Variants in LGALS3BP observed in about 807,000 individuals in gnomAD.
LGALS3BP encodes the protein galectin-3-binding protein.
LGALS3BP carries 25 observed loss-of-function variants against 22.9 expected under a neutral mutation model. The observed-to-expected ratio is 1.09, with a 90% CI of 0.80 to 1.53. The LOEUF (loss-of-function observed/expected upper bound fraction) is 1.53. Ranked by LOEUF, LGALS3BP falls within the 40% of genes most tolerant of loss-of-function variation. The pLI, the probability that LGALS3BP is intolerant of heterozygous loss-of-function variation, is 0.00. For missense variants in LGALS3BP, 718 were observed against 752.0 expected (o/e 0.95, Z 0.53); for synonymous variants, 335 against 331.1 (o/e 1.01, Z -0.13).
At position 78,971,380 on chromosome 17, in the gene LGALS3BP, G is replaced by A; in HGVS notation, c.*196C>T. 1.7e-6 allele frequency: 1 copy of A among 596,546 alleles called. No individual in the cohort carries two copies. Among genetic ancestry groups the A allele is most frequent in the Non-Finnish European group, 2.9e-6 (1 of 339,408 alleles). 37.0% of individuals were successfully genotyped at this position (596,546 alleles called of 1,614,324 possible). A position where few individuals can be genotyped will look rare whatever the true frequency, so the allele number is the denominator to read the frequency against. ...TGCTTACCACCTGGAAACTGGTGAG[G>A]TGGTGGGAGAACTCCTGGTGGACCC... On this transcript the variant is annotated 3_prime_UTR_variant, in exon 6 of 6. Coordinates refer to ENST00000262776, the MANE Select transcript of LGALS3BP (RefSeq NM_005567.4). The surrounding 1 kb of genome is among the most constrained non-coding windows in gnomAD (Gnocchi z 5.6).
intron 3 of LGALS3BP, 141 bp downstream of exon 3, chr17:78,975,820 AAAAG>A: frequency 1.6e-5 from 7 of 446,908 alleles, no homozygotes; most frequent in East Asian, 4.2e-5. Context: ...AAAAAAAAAA[AAAAG>A]TGTTTGCTCT....
In LGALS3BP at chr17:78,972,697, A is replaced by C. The variant is rs763617733; in HGVS notation, c.637T>G (p.Tyr213Asp). Reference protein sequence around the residue: ...PMVRDLLRYFYSRRIDITLSS... With the variant: ...PMVRDLLRYFDSRRIDITLSS... Reference sequence around the variant, plus strand: ...AGGGTGATGTCAATCCTTCGGGAGTAGAAGTACCTGGGGAGAAAGAAGGAG... The same window carrying C: ...AGGGTGATGTCAATCCTTCGGGAGTCGAAGTACCTGGGGAGAAAGAAGGAG... The change falls in exon 6 of 6, where the codon TAC becomes GAC. Residue 213 changes from tyrosine (Y) to aspartate (D), a missense_variant. Coordinates refer to ENST00000262776, the MANE Select transcript of LGALS3BP (RefSeq NM_005567.4). This position sits in a 1 kb window ranked among gnomAD's most constrained non-coding sequence, Gnocchi z 5.1. 3 of 1,516,434 alleles carry C rather than the reference A, an allele frequency of 2.0e-6. No individual in the cohort carries two copies. The highest frequency in any genetic ancestry group is 2.6e-6 in the Non-Finnish European group (3 of 1,132,550). 93.9% of individuals were successfully genotyped at this position (1,516,434 alleles called of 1,614,324 possible).
chr17:78,971,397 G>C lies in LGALS3BP; in HGVS notation c.*179C>G. ...CTGGTGAGGTGGTGGGAGAACTCCTGGTGGACCCTAGTGGAAGCCTTCCAG... is the reference window on the plus strand; with the variant it reads ...CTGGTGAGGTGGTGGGAGAACTCCTCGTGGACCCTAGTGGAAGCCTTCCAG... On this transcript the variant is annotated 3_prime_UTR_variant, in exon 6 of 6. Coordinates refer to ENST00000262776, the MANE Select transcript of LGALS3BP (RefSeq NM_005567.4). This position sits in a 1 kb window ranked among gnomAD's most constrained non-coding sequence, Gnocchi z 5.6. 1.6e-6 allele frequency: 1 copy of C among 618,430 alleles called. No homozygotes were observed. Among genetic ancestry groups the C allele is most frequent in the Non-Finnish European group, 2.8e-6 (1 of 357,422 alleles). 38.3% of individuals were successfully genotyped at this position (618,430 alleles called of 1,614,324 possible).
intron 3 of LGALS3BP, chr17:78,975,040 T>C (rs2070708182): frequency 3.5e-6 from 2 of 571,894 alleles, no homozygotes; most frequent in Non-Finnish European, 3.1e-6. Flanking sequence ...TACCGGCTGC[T>C]TCAGCGACAT....
chr17:78,976,982 T>C lies in LGALS3BP; in HGVS notation c.52+158A>G, dbSNP rs988196997. The C allele has an allele frequency of 2.7e-6, 2 of 741,500 alleles. No individual in the cohort carries two copies. The highest frequency in any genetic ancestry group is 2.3e-6 in the Non-Finnish European group (1 of 428,936). The allele number at this position is 741,500 out of a possible 1,614,324, so 45.9% of individuals were successfully genotyped here. A position where few individuals can be genotyped will look rare whatever the true frequency, so the allele number is the denominator to read the frequency against. ...GCCCCCGGGAACCTCCAAGTCATCA[T>C]CACTGGGGATACCTGGTGCTTCAAG... On this transcript the variant is annotated intron_variant, in intron 2 of 5. Coordinates refer to ENST00000262776, the MANE Select transcript of LGALS3BP (RefSeq NM_005567.4). This position sits in a 1 kb window ranked among gnomAD's most constrained non-coding sequence, Gnocchi z 4.6.
rs3191375 is a variant in LGALS3BP, at chr17:78,971,495, G to A, written c.*81C>T. 1.5e-6 allele frequency: 2 copies of A among 1,338,996 alleles called. No homozygotes were observed. Among genetic ancestry groups the A allele is most frequent in the Non-Finnish European group, 2.1e-6 (2 of 974,934 alleles). 82.9% of individuals were successfully genotyped at this position (1,338,996 alleles called of 1,614,324 possible). On this transcript the variant is annotated 3_prime_UTR_variant, in exon 6 of 6. Coordinates refer to ENST00000262776, the MANE Select transcript of LGALS3BP (RefSeq NM_005567.4). This position sits in a 1 kb window ranked among gnomAD's most constrained non-coding sequence, Gnocchi z 5.6. ...GCCGGTTGTTGAAGGTCATTGCAGA[G>A]AGGAAGGAAGCCGAGGAGGGGAGCC...
chr17:78,971,613 CG>C lies in LGALS3BP; in HGVS notation c.1720del (p.Arg574AlafsTer5). 6.2e-7 allele frequency: 1 copy of C among 1,613,562 alleles called. No homozygotes were observed. The highest frequency in any genetic ancestry group is 8.5e-7 in the Non-Finnish European group (1 of 1,179,986). Reference protein sequence around the residue: ...GHFNGFRTVIRPFYLTNSSGV... With the variant: ...GHFNGFRTVIXPFYLTNSSGV... ...TGAGGAGTTGGTCAGGTAGAAGGGG[CG>C]GATGACCGTGCGGAAGCCGTTGAAG... On this transcript the variant is annotated frameshift_variant, in exon 6 of 6. Coordinates refer to ENST00000262776, the MANE Select transcript of LGALS3BP (RefSeq NM_005567.4). LOFTEE classifies it high-confidence loss of function. This position sits in a 1 kb window ranked among gnomAD's most constrained non-coding sequence, Gnocchi z 5.6.
Position 78,972,743 on chromosome 17 carries a change from G to C in LGALS3BP, c.630-39C>G. ...AGGAGAGCAGATGCCGGCCCCACAG[G>C]ACAGCAGGGGAGCCCTGGGCCCAAC... is the stretch of plus-strand genomic sequence containing the variant. On this transcript the variant is annotated intron_variant, in intron 5 of 5. Transcript: ENST00000262776. This position sits in a 1 kb window ranked among gnomAD's most constrained non-coding sequence, Gnocchi z 5.1. 1 of 1,512,456 alleles carries C rather than the reference G, an allele frequency of 6.6e-7. No homozygotes were observed. Among genetic ancestry groups the C allele is most frequent in the Non-Finnish European group, 8.8e-7 (1 of 1,131,800 alleles). The allele number at this position is 1,512,456 out of a possible 1,614,324, so 93.7% of individuals were successfully genotyped here. A position where few individuals can be genotyped will look rare whatever the true frequency, so the allele number is the denominator to read the frequency against.
intron 4 of LGALS3BP, 127 bp downstream of exon 4, chr17:78,974,560 TG>T: frequency 9.3e-7 from 1 of 1,077,466 alleles, no homozygotes; most frequent in Non-Finnish European, 1.3e-6. Flanking sequence ...CCATGCGGAG[TG>T]GGCAGGCGGT....
Position 78,972,422 on chromosome 17 carries a change from G to A in LGALS3BP, c.912C>T (p.Leu304=), listed in dbSNP as rs529673767. 5 of 1,613,456 alleles carry A rather than the reference G, an allele frequency of 3.1e-6. No homozygotes were observed. In the African/African-American group the frequency reaches 6.7e-5, roughly 21 times the overall value. Residue 304 remains leucine, a synonymous_variant, in exon 6 of 6, where the codon CTC becomes CTT. Transcript: ENST00000262776. The surrounding 1 kb of genome is among the most constrained non-coding windows in gnomAD (Gnocchi z 5.1). ...GGTCGCTCCTGGGCAGCAGCAGTTG[G>A]AGCAGGTCTGTGGGGACACTGGGCC... ...EAWPSVPTDL[L]QLLLPRSDLA...
chr17:78,972,062 A>T lies in LGALS3BP; in HGVS notation c.1272T>A (p.Ser424Arg). ...GATAGACCAGTTGTGACTTCCGTGC[A>T]CTCCAGGAACTGTCTGTCACAAAGG... is the stretch of plus-strand genomic sequence containing the variant. ...WSAFVTDSSW[S>R]ARKSQLVYQS... Residue 424 changes from serine (S) to arginine (R), a missense_variant, in exon 6 of 6, where the codon AGT becomes AGA. By Grantham distance (110) the Ser-to-Arg change is moderately radical. Transcript: ENST00000262776. This position sits in a 1 kb window ranked among gnomAD's most constrained non-coding sequence, Gnocchi z 5.1. The T allele has an allele frequency of 3.1e-6, 5 of 1,613,696 alleles. No individual in the cohort carries two copies. Among genetic ancestry groups the T allele is most frequent in the Non-Finnish European group, 4.2e-6 (5 of 1,179,836 alleles).
rs759242764 is a variant in LGALS3BP, at chr17:78,972,686, C to T, written c.648G>A (p.Arg216=). 10 of 1,518,474 alleles carry T rather than the reference C, an allele frequency of 6.6e-6. No individual in the cohort carries two copies. In the African/African-American group the frequency reaches 7.0e-5, roughly 11 times the overall value. The allele number at this position is 1,518,474 out of a possible 1,614,324, so 94.1% of individuals were successfully genotyped here. The change falls in exon 6 of 6, where the codon AGG becomes AGA. Residue 216 remains arginine, a synonymous_variant. Coordinates refer to ENST00000262776, the MANE Select transcript of LGALS3BP (RefSeq NM_005567.4). This position sits in a 1 kb window ranked among gnomAD's most constrained non-coding sequence, Gnocchi z 5.1. ...TGACTGACGACAGGGTGATGTCAAT[C>T]CTTCGGGAGTAGAAGTACCTGGGGA... is the stretch of plus-strand genomic sequence containing the variant. ...RDLLRYFYSR[R]IDITLSSVKC...
Position 78,976,274 on chromosome 17 carries a change from G to A in LGALS3BP, c.53-118C>T. ...CTGAGCTTGTATTTCAGGGCTTCAA[G>A]GTCCCCTGGCCTCTCCATGAGGGGC... On this transcript the variant is annotated intron_variant, in intron 2 of 5. Transcript: ENST00000262776. This position sits in a 1 kb window ranked among gnomAD's most constrained non-coding sequence, Gnocchi z 4.6. The A allele has an allele frequency of 1.1e-6, 1 of 910,814 alleles. No homozygotes were observed. The highest frequency in any genetic ancestry group is 1.6e-6 in the Non-Finnish European group (1 of 623,570). The allele number at this position is 910,814 out of a possible 1,614,324, so 56.4% of individuals were successfully genotyped here.
In LGALS3BP at chr17:78,972,708, G is replaced by A; in HGVS notation, c.630-4C>T. Reference sequence around the variant, plus strand: ...AATCCTTCGGGAGTAGAAGTACCTGGGGAGAAAGAAGGAGAGCAGATGCCG... The same window carrying A: ...AATCCTTCGGGAGTAGAAGTACCTGAGGAGAAAGAAGGAGAGCAGATGCCG... On this transcript the variant is annotated splice_region_variant and splice_polypyrimidine_tract_variant and intron_variant, in intron 5 of 5. Transcript: ENST00000262776. This position sits in a 1 kb window ranked among gnomAD's most constrained non-coding sequence, Gnocchi z 5.1. 7 of 1,516,170 alleles carry A rather than the reference G, an allele frequency of 4.6e-6. No homozygotes were observed. Among genetic ancestry groups the A allele is most frequent in the African/African-American group, 1.4e-5 (1 of 71,848 alleles). 93.9% of individuals were successfully genotyped at this position (1,516,170 alleles called of 1,614,324 possible).
At chr17:78,974,902 C>G in intron 3 of LGALS3BP, 83 bp from the exon 4 acceptor site, 1 of 1,547,120 alleles carries the variant, frequency 6.5e-7, no homozygotes, top group South Asian at 1.2e-5. Context: ...CTTTGTTCTC[C>G]GCCCCGGCCG....
chr17:78,973,090 C>T lies in LGALS3BP; in HGVS notation c.509G>A (p.Cys170Tyr), dbSNP rs750453001. ...NVQGEDALGF[C>Y]GHTVILTANL... The stretch of plus-strand genomic sequence containing the variant: ...GGCAGTCAGGATGACCGTGTGGCCA[C>T]AGAAGCCCAGGGCGTCCTCGCCCTG... The change falls in exon 5 of 6, where the codon TGT becomes TAT. Residue 170 changes from cysteine (C) to tyrosine (Y), a missense_variant. Physicochemically the swap from Cys to Tyr is radical, Grantham distance 194. Transcript: ENST00000262776. This position sits in a 1 kb window ranked among gnomAD's most constrained non-coding sequence, Gnocchi z 5.8. 1.9e-6 allele frequency: 3 copies of T among 1,613,646 alleles called. No individual in the cohort carries two copies. The South Asian group carries it at 3.3e-5, about 18-fold the overall frequency.
intron 3 of LGALS3BP, among the ~76,000 whole-genome samples, 174 bp downstream of exon 3, chr17:78,975,791 C>CAAAAAAAAAAAA (rs60470107): frequency 1.9e-5 from 1 of 52,216 alleles, no homozygotes; most frequent in Non-Finnish European, 3.5e-5. Flanking sequence ...GACTCCATCT[C>CAAAAAAAAAAAA]AAAAAAAAAA....
rs750732967 is a variant in LGALS3BP at position 78,975,978 on chromosome 17, A to G, written c.231T>C (p.Ala77=). ...AGCAGGCCCTACCTTGCCCGAAGGC[A>G]GCTCTGCCCAGAGCCTGGGTGGCGT... is the stretch of plus-strand genomic sequence containing the variant. ...FENATQALGR[A]AFGQGSGPIM... The change falls in exon 3 of 6, where the codon GCT becomes GCC. Residue 77 remains alanine, a synonymous_variant. Transcript: ENST00000262776. 1 of 1,609,084 alleles carries G rather than the reference A, an allele frequency of 6.2e-7. No homozygotes were observed. The highest frequency in any genetic ancestry group is 1.7e-5 in the Admixed American group (1 of 59,576).
At position 78,976,932 on chromosome 17, in the gene LGALS3BP, C is replaced by T. The variant is rs1012542933; in HGVS notation, c.52+208G>A. 81 of 609,658 alleles carry T rather than the reference C, an allele frequency of 1.3e-4. No homozygotes were observed. In the Admixed American group the frequency reaches 2.1e-3, roughly 16 times the overall value. The allele number at this position is 609,658 out of a possible 1,614,324, so 37.8% of individuals were successfully genotyped here. A position where few individuals can be genotyped will look rare whatever the true frequency, so the allele number is the denominator to read the frequency against. On this transcript the variant is annotated intron_variant, in intron 2 of 5. Transcript: ENST00000262776. The surrounding 1 kb of genome is among the most constrained non-coding windows in gnomAD (Gnocchi z 4.6). ...GATTCCCTAGTGTCCTCTCTATAAC[C>T]TGCATCTCACCTGAACCCAGGTGAG...
Sources: gnomAD v4.1 joint callset for allele counts (sites outside exome capture counted in the v4.1 genomes callset) on GRCh38, gnomAD v4.1.1 for gene constraint, Gnocchi (gnomAD v3.1) non-coding constraint, MANE v1.5 for transcripts, NCBI Gene and HGNC (gene_info 2026-07-23, HGNC 2026-07-21) for gene names.